LAP3: variants seen among roughly 807,000 people sequenced by gnomAD.
LAP3 encodes cytosol aminopeptidase.
In LAP3, 46 loss-of-function variants were observed where a neutral mutation model predicts 58.8. The ratio of observed to expected loss-of-function variants is 0.78; its 90% confidence interval spans 0.62 to 1.00. The LOEUF (loss-of-function observed/expected upper bound fraction) is 1.00, where lower values mean the gene tolerates loss of function less well. Ranked by LOEUF, LAP3 falls within the 50% of genes least tolerant of loss-of-function variation. The pLI, the probability that LAP3 is intolerant of heterozygous loss-of-function variation, is 0.00. For missense variants in LAP3, 615 were observed against 659.1 expected (o/e 0.93, Z 0.73); for synonymous variants, 257 against 237.7 (o/e 1.08, Z -0.75).
chr4:17,590,553 T>A (rs1449653154), intron 7 of LAP3, among the ~76,000 whole-genome samples: 1 of 152,190 alleles, frequency 6.6e-6, no homozygotes, highest in Non-Finnish European at 1.5e-5. Flanking sequence ...TATACTATTG[T>A]ACTAAAGTGT....
intron 10 of LAP3, among the ~76,000 whole-genome samples, chr4:17,600,986 T>C (rs1053617630): frequency 7.9e-5 from 12 of 152,238 alleles, no homozygotes; most frequent in African/African-American, 2.7e-4. Context: ...GAAACAGATG[T>C]TACTGTCCTT....
chr4:17,607,015 TTA>T, intron 12 of LAP3, 77 bp downstream of exon 12: 1 of 906,118 alleles, frequency 1.1e-6, no homozygotes, highest in Non-Finnish European at 1.7e-6. Flanking sequence ...TTTTATCCCC[TTA>T]TATAAAAGGT....
chr4:17,595,630 G>C, intron 8 of LAP3, 96 bp downstream of exon 8: 2 of 1,361,808 alleles, frequency 1.5e-6, no homozygotes, highest in South Asian at 2.6e-5. Flanking sequence ...AATCTGAAAA[G>C]ATAAGAAATG....
rs1332686265 is a variant in LAP3, at chr4:17,583,319, C to A, written c.380-164C>A. Reference sequence around the variant, plus strand: ...TACTTGCTGTAAAATGCACTCACGTCTTCATTTTACAGAAGAGGAAATGAG... The same window carrying A: ...TACTTGCTGTAAAATGCACTCACGTATTCATTTTACAGAAGAGGAAATGAG... On this transcript the variant is annotated intron_variant, in intron 4 of 12. Coordinates refer to ENST00000226299, the MANE Select transcript of LAP3 (RefSeq NM_015907.3). 17 of 750,388 alleles carry A rather than the reference C, an allele frequency of 2.3e-5. No homozygotes were observed. The East Asian group carries it at 4.2e-4, about 19-fold the overall frequency. The allele number at this position is 750,388 out of a possible 1,614,324, so 46.5% of individuals were successfully genotyped here.
chr4:17,586,953 A>C lies in LAP3; in HGVS notation c.704+1817A>C, dbSNP rs367806107. Among the ~76,000 whole-genome samples, 6 of 152,300 alleles carry C rather than the reference A, an allele frequency of 3.9e-5. No homozygotes were observed. The East Asian group carries it at 9.7e-4, about 25-fold the overall frequency. On this transcript the variant is annotated intron_variant, in intron 6 of 12. Transcript: ENST00000226299. ...AAACACCATCTCTACTAAAAGTACAAAACTTAGCTGGGAGTGGTGGTGCGT... is the reference window on the plus strand; with the variant it reads ...AAACACCATCTCTACTAAAAGTACACAACTTAGCTGGGAGTGGTGGTGCGT...
intron 7 of LAP3, among the ~76,000 whole-genome samples, chr4:17,589,837 T>A (rs1420884040): frequency 2.6e-5 from 4 of 152,224 alleles, no homozygotes; most frequent in Non-Finnish European, 4.4e-5. Flanking sequence ...AGGTTAGTGG[T>A]GATGCCCCTG....
chr4:17,588,407 A>G, intron 6 of LAP3, among the ~76,000 whole-genome samples: 1 of 152,170 alleles, frequency 6.6e-6, no homozygotes, highest in East Asian at 1.9e-4. Flanking sequence ...AGCCTTCCAA[A>G]GTGCTGGGAT....
At chr4:17,599,127 C>T (rs987176084) in intron 10 of LAP3, among the ~76,000 whole-genome samples, 6 of 152,154 alleles carry the variant, frequency 3.9e-5, no homozygotes, top group African/African-American at 1.4e-4. Flanking sequence ...CTGTCTCAGC[C>T]TCCCAAAGTG....
chr4:17,606,180 C>T (rs148775039), intron 11 of LAP3, among the ~76,000 whole-genome samples: 3 of 152,204 alleles, frequency 2.0e-5, no homozygotes, highest in South Asian at 2.1e-4. Context: ...GATACAGGTC[C>T]AGTCGTGTGT....
At chr4:17,581,888 G>A in intron 3 of LAP3, 74 bp downstream of exon 3, 4 of 1,150,728 alleles carry the variant, frequency 3.5e-6, no homozygotes, top group Non-Finnish European at 5.2e-6. Flanking sequence ...GGGCTGTCTA[G>A]TCATACTAAA....
chr4:17,598,271 G>T (rs3775927), intron 9 of LAP3, among the ~76,000 whole-genome samples, 185 bp from the exon 10 acceptor site: 81,155 of 152,008 alleles, frequency 0.53, 24,933 homozygotes, highest in East Asian at 0.89. Flanking sequence ...GGTGCTGGGG[G>T]ATTATTAAAT....
chr4:17,577,217 C>CCCG lies in LAP3; in HGVS notation c.-249_-248insCCG. The CCCG allele has an allele frequency of 2.8e-6, 1 of 352,058 alleles. No homozygotes were observed. Among genetic ancestry groups the CCCG allele is most frequent in the Non-Finnish European group, 5.1e-6 (1 of 196,346 alleles). The allele number at this position is 352,058 out of a possible 1,614,324, so 21.8% of individuals were successfully genotyped here. Reference sequence around the variant, plus strand: ...GCGGGCGCACACGAATGCGGGCGCACACGAATGCGGGCGCACACGAATGCG... The same window carrying CCCG: ...GCGGGCGCACACGAATGCGGGCGCACCCGACGAATGCGGGCGCACACGAATGCG... On this transcript the variant is annotated 5_prime_UTR_variant, in exon 1 of 13. Transcript: ENST00000226299.
intron 7 of LAP3, among the ~76,000 whole-genome samples, chr4:17,593,608 G>GGTTTTTTTTTT (rs1713752930): frequency 4.1e-5 from 2 of 48,200 alleles, no homozygotes; most frequent in Admixed American, 2.5e-4. Flanking sequence ...AATCTGCTTG[G>GGTTTTTTTTTT]GTTTTTTTTT....
intron 3 of LAP3, 167 bp from the exon 4 acceptor site, chr4:17,582,121 G>A: frequency 1.6e-6 from 1 of 641,278 alleles, no homozygotes; most frequent in Non-Finnish European, 2.7e-6. Flanking sequence ...GGACACAAAG[G>A]TTTTAAGAAA....
At chr4:17,585,897 A>G (rs868665448) in intron 6 of LAP3, 1 of 152,354 alleles carries the variant, frequency 6.6e-6, no homozygotes, top group South Asian at 2.1e-4. Context: ...TTTTTGGTAT[A>G]TGCCTAGGAG....
intron 2 of LAP3, among the ~76,000 whole-genome samples, chr4:17,581,448 C>T (rs558111552): frequency 3.3e-5 from 5 of 152,100 alleles, no homozygotes; most frequent in South Asian, 4.2e-4. Flanking sequence ...GGGCTGGGCA[C>T]GGTAGATCAG....
At chr4:17,593,154 G>A (rs1323753050) in intron 7 of LAP3, among the ~76,000 whole-genome samples, 1 of 152,304 alleles carries the variant, frequency 6.6e-6, no homozygotes, top group East Asian at 1.9e-4. Flanking sequence ...CTGTAGTAAG[G>A]TATTCAAATC....
intron 7 of LAP3, among the ~76,000 whole-genome samples, chr4:17,590,071 G>A (rs892605997): frequency 3.3e-5 from 5 of 152,194 alleles, no homozygotes; most frequent in Non-Finnish European, 7.3e-5. Flanking sequence ...ATGCCAGCGA[G>A]TATGAGACGT....
Position 17,583,610 on chromosome 4 carries a change from G to T in LAP3, c.507G>T (p.Lys169Asn). 1 of 1,614,170 alleles carries T rather than the reference G, an allele frequency of 6.2e-7. No homozygotes were observed. Among genetic ancestry groups the T allele is most frequent in the Non-Finnish European group, 8.5e-7 (1 of 1,180,032 alleles). Residue 169 changes from lysine to asparagine, a missense_variant, in exon 5 of 13, where the codon AAG becomes AAT. By Grantham distance (94) the Lys-to-Asn change is moderately conservative (BLOSUM62 0). Coordinates refer to ENST00000226299, the MANE Select transcript of LAP3 (RefSeq NM_015907.3). Reference sequence around the variant, plus strand: ...AATACGATGACCTAAAGCAAAAAAAGAAGATGGCTGTGTCGGCAAAGCTCT... The same window carrying T: ...AATACGATGACCTAAAGCAAAAAAATAAGATGGCTGTGTCGGCAAAGCTCT... Reference protein sequence around the residue: ...LYEYDDLKQKKKMAVSAKLYG... With the variant: ...LYEYDDLKQKNKMAVSAKLYG...
Sources: gnomAD v4.1 joint callset for allele counts (sites outside exome capture counted in the v4.1 genomes callset) on GRCh38, gnomAD v4.1.1 for gene constraint, MANE v1.5 for transcripts, NCBI Gene and HGNC (gene_info 2026-07-23, HGNC 2026-07-21) for gene names.